Variants in ZNF266 observed in about 807,000 individuals in gnomAD.
The protein encoded by ZNF266 is zinc finger protein 1.
In ZNF266, 16 loss-of-function variants were observed where a neutral mutation model predicts 16.4. The ratio of observed to expected loss-of-function variants is 0.98; its 90% CI spans 0.66 to 1.48. The LOEUF (loss-of-function observed/expected upper bound fraction) is 1.48, where lower values mean the gene tolerates loss of function less well. Ranked by LOEUF, ZNF266 falls within the 40% of genes most tolerant of loss-of-function variation. The pLI, the probability that ZNF266 is intolerant of heterozygous loss-of-function variation, is 0.00. For missense variants in ZNF266, 738 were observed against 689.1 expected (o/e 1.07, Z -0.79); for synonymous variants, 262 against 237.9 (o/e 1.10, Z -0.93).
chr19:9,420,808 C>T (rs991347496), intron 5 of ZNF266: 2 of 151,658 alleles, frequency 1.3e-5, no homozygotes, highest in African/African-American at 4.8e-5. Flanking sequence ...AATCAGACAA[C>T]ACTTGGATTT....
Position 9,414,470 on chromosome 19 carries a change from C to A in ZNF266, c.656G>T (p.Gly219Val). 1 of 1,614,200 alleles carries A rather than the reference C, an allele frequency of 6.2e-7. No individual in the cohort carries two copies. Among genetic ancestry groups the A allele is most frequent in the Non-Finnish European group, 8.5e-7 (1 of 1,180,028 alleles). ...GTCACTGCAATCAAAAGCTTTCTCT[C>A]CTGTGCACGTTCTCTGGCAAACAAC... is the stretch of plus-strand genomic sequence containing the variant. ...PDVVCQRTCT[G>V]EKAFDCSDSG... The change falls in exon 11 of 11, where the codon GGA becomes GTA. Residue 219 changes from glycine to valine, a missense_variant. Coordinates refer to ENST00000592904, the MANE Select transcript of ZNF266 (RefSeq NM_001370374.1).
At chr19:9,421,314 G>T (rs2069846809) in intron 5 of ZNF266, among the ~76,000 whole-genome samples, 1 of 150,734 alleles carries the variant, frequency 6.6e-6, no homozygotes, top group South Asian at 2.1e-4. Context: ...CACTACCATG[G>T]GTTTCAAACT....
intron 3 of ZNF266, 127 bp downstream of exon 3, chr19:9,434,670 AT>A (rs1434543447): frequency 1.3e-5 from 2 of 152,238 alleles, no homozygotes; most frequent in Non-Finnish European, 2.9e-5. Flanking sequence ...CACAGGGTAC[AT>A]ATTAACAACA....
At chr19:9,422,767 ATCT>A (rs2070123742) in intron 5 of ZNF266, among the ~76,000 whole-genome samples, 1 of 110,718 alleles carries the variant, frequency 9.0e-6, no homozygotes, top group Non-Finnish European at 2.0e-5. Flanking sequence ...CTAAAGGAAA[ATCT>A]TCCGAGTGGC....
intron 10 of ZNF266, 94 bp from the exon 11 acceptor site, chr19:9,414,814 A>G: frequency 1.5e-6 from 2 of 1,374,204 alleles, no homozygotes; most frequent in Non-Finnish European, 1.9e-6. Context: ...GATGATTATT[A>G]TCATGTTTAC....
At position 9,413,939 on chromosome 19, in the gene ZNF266, C is replaced by A. The variant is rs886199372; in HGVS notation, c.1187G>T (p.Cys396Phe). 12 of 1,614,030 alleles carry A rather than the reference C, an allele frequency of 7.4e-6. No homozygotes were observed. The highest frequency in any genetic ancestry group is 1.0e-5 in the Non-Finnish European group (12 of 1,180,038). The change falls in exon 11 of 11, where the codon TGT becomes TTT. Residue 396 changes from cysteine to phenylalanine, a missense_variant. Coordinates refer to ENST00000592904, the MANE Select transcript of ZNF266 (RefSeq NM_001370374.1). ...TGAGGAATTTCTAAAGGATTTTCCA[C>A]ATATCTTACATTCAAAGGGATCCTT... is the stretch of plus-strand genomic sequence containing the variant. ...TAKDPFECKI[C>F]GKSFRNSSCL...
rs568113941 is a variant in ZNF266 at position 9,413,973 on chromosome 19, G to A, written c.1153C>T (p.His385Tyr). The part of the protein sequence containing the change: ...SSQLTEHLKT[H>Y]TAKDPFECKI... ...CATTCAAAGGGATCCTTTGCAGTGT[G>A]AGTTTTTAAATGTTCAGTAAGTTGA... is the stretch of plus-strand genomic sequence containing the variant. Residue 385 changes from histidine (H) to tyrosine (Y), a missense_variant, in exon 11 of 11, where the codon CAC becomes TAC. By Grantham distance (83) the His-to-Tyr change is moderately conservative. Transcript: ENST00000592904. 3.1e-5 allele frequency: 50 copies of A among 1,614,178 alleles called. No homozygotes were observed. In the South Asian group the frequency reaches 5.4e-4, roughly 17 times the overall value.
At chr19:9,419,921 G>GAAA (rs1568410948) in intron 6 of ZNF266, 144 bp downstream of exon 6, 1 of 149,134 alleles carries the variant, frequency 6.7e-6, no homozygotes. Flanking sequence ...AAAAAAAAAG[G>GAAA]AACAAAGCAT....
chr19:9,423,804 C>T (rs1388224167), intron 5 of ZNF266, among the ~76,000 whole-genome samples: 2 of 151,966 alleles, frequency 1.3e-5, no homozygotes, highest in Non-Finnish European at 2.9e-5. Context: ...GTGACCAGCC[C>T]GGCCAACATG....
In ZNF266 at chr19:9,414,054, C is replaced by T. The variant is rs762670299; in HGVS notation, c.1072G>A (p.Val358Met). 2 of 1,613,790 alleles carry T rather than the reference C, an allele frequency of 1.2e-6. No homozygotes were observed. The highest frequency in any genetic ancestry group is 2.2e-5 in the East Asian group (1 of 44,830). The change falls in exon 11 of 11, where the codon GTG (valine) becomes ATG (methionine). Residue 358 changes from valine to methionine, a missense_variant. Val to Met is a conservative substitution (Grantham distance 21). Coordinates refer to ENST00000592904, the MANE Select transcript of ZNF266 (RefSeq NM_001370374.1). The stretch of plus-strand genomic sequence containing the variant: ...TTGCATTCATAAGGCTTCTCACCCA[C>T]ATGGATTTTCATATGTTGACTTAAG... ...SCLSQHMKIH[V>M]GEKPYECKEC...
Position 9,413,447 on chromosome 19 carries a change from T to C in ZNF266, c.1679A>G (p.Lys560Arg), listed in dbSNP as rs2068509217. Residue 560 changes from lysine (K) to arginine (R), a missense_variant, in exon 11 of 11, where the codon AAA becomes AGA. Coordinates refer to ENST00000592904, the MANE Select transcript of ZNF266 (RefSeq NM_001370374.1). ...GAAGGATTTCCCACACTGTTTACAT[T>C]TGTAGGGTTTTTCTCCAGTGTGGAT... ...MRIHTGEKPY[K>R]CKQCGKSFSY... 1.2e-6 allele frequency: 2 copies of C among 1,614,064 alleles called. No homozygotes were observed. Among genetic ancestry groups the C allele is most frequent in the African/African-American group, 1.3e-5 (1 of 75,004 alleles).
intron 5 of ZNF266, among the ~76,000 whole-genome samples, chr19:9,423,378 A>C (rs2070220616): frequency 1.3e-5 from 2 of 152,108 alleles, no homozygotes; most frequent in South Asian, 4.1e-4. Context: ...TGCTGGCACC[A>C]CCACCCACGG....
In ZNF266 at chr19:9,413,216, C is replaced by G. The variant is rs945113355; in HGVS notation, c.*59G>C. 5 of 1,520,460 alleles carry G rather than the reference C, an allele frequency of 3.3e-6. No individual in the cohort carries two copies. The African/African-American group carries it at 7.0e-5, about 21-fold the overall frequency. The allele number at this position is 1,520,460 out of a possible 1,614,324, so 94.2% of individuals were successfully genotyped here. A position where few individuals can be genotyped will look rare whatever the true frequency, so the allele number is the denominator to read the frequency against. ...ATTTTTACATTCATAGGGTTTCTCC[C>G]CAGTGAGTTTTCATGTCTTCAGAGA... is the stretch of plus-strand genomic sequence containing the variant. On this transcript the variant is annotated 3_prime_UTR_variant, in exon 11 of 11. Transcript: ENST00000592904.
intron 9 of ZNF266, among the ~76,000 whole-genome samples, chr19:9,416,466 C>T (rs549806352): frequency 1.9e-4 from 29 of 149,274 alleles, no homozygotes; most frequent in Non-Finnish European, 3.1e-4. Flanking sequence ...CAAGTTCAAG[C>T]GATTCTCCTG....
chr19:9,418,743 C>T (rs925169091), intron 7 of ZNF266, 112 bp from the exon 8 acceptor site: 1 of 606,428 alleles, frequency 1.6e-6, no homozygotes, highest in Non-Finnish European at 3.0e-6. Context: ...CCCAGGAGGT[C>T]CTCTCTATCC....
At chr19:9,417,250 T>C (rs760888444) in intron 9 of ZNF266, among the ~76,000 whole-genome samples, 1 of 151,910 alleles carries the variant, frequency 6.6e-6, no homozygotes, top group South Asian at 2.1e-4. Context: ...ACACCTGTAG[T>C]CCCGGCTACT....
intron 5 of ZNF266, among the ~76,000 whole-genome samples, chr19:9,424,212 C>A (rs1172984504): frequency 2.4e-5 from 3 of 124,452 alleles, no homozygotes; most frequent in Admixed American, 1.7e-4. Context: ...TACCACTAAA[C>A]CAAGAGGCAA....
intron 5 of ZNF266, among the ~76,000 whole-genome samples, chr19:9,424,132 C>G (rs781572427): frequency 2.6e-5 from 4 of 151,844 alleles, no homozygotes; most frequent in African/African-American, 4.8e-5. Context: ...AATGCCCCCC[C>G]CAGGGGGCAC....
In ZNF266 at chr19:9,412,890, G is replaced by A. The variant is rs1386309537; in HGVS notation, c.*385C>T. 1 of 194,648 alleles carries A rather than the reference G, an allele frequency of 5.1e-6. No homozygotes were observed. Among genetic ancestry groups the A allele is most frequent in the Non-Finnish European group, 1.1e-5 (1 of 94,876 alleles). The allele number at this position is 194,648 out of a possible 1,614,324, so 12.1% of individuals were successfully genotyped here. ...AACCCTATGTCCAAATACAGTTATA[G>A]TGTAAGGAACTAGGACTTAGGGCTT... On this transcript the variant is annotated 3_prime_UTR_variant, in exon 11 of 11. Coordinates refer to ENST00000592904, the MANE Select transcript of ZNF266 (RefSeq NM_001370374.1).
Sources: gnomAD v4.1 joint callset for allele counts (sites outside exome capture counted in the v4.1 genomes callset) on GRCh38, gnomAD v4.1.1 for gene constraint, MANE v1.5 for transcripts, NCBI Gene and HGNC (gene_info 2026-07-23, HGNC 2026-07-21) for gene names.